The following HIVEP2 variants were observed in gnomAD, a reference collection of about 807,000 sequenced individuals.
HIVEP2 encodes HIVEP zinc finger 2.
In HIVEP2, 14 loss-of-function variants were observed where a neutral mutation model predicts 180.7. The observed-to-expected ratio is 0.08, with a 90% CI of 0.05 to 0.12. The LOEUF is 0.12. Ranked by LOEUF, HIVEP2 falls within the 10% of genes least tolerant of loss-of-function variation. The pLI, the probability that HIVEP2 is intolerant of heterozygous loss-of-function variation, is 1.00. For synonymous variants in HIVEP2, 1,184 were observed against 1,136.4 expected, an observed-to-expected ratio of 1.04 and a Z score of -0.84; for missense variants, 2,579 against 3,008.5, an observed-to-expected ratio of 0.86 and a Z score of 3.34.
At chr6:142,901,633 G>T (rs13190880) in intron 1 of HIVEP2, among the ~76,000 whole-genome samples, 9,463 of 152,266 alleles carry the variant, frequency 0.062, 385 homozygotes, top group Middle Eastern at 0.11. Flanking sequence ...CAAATGCAAA[G>T]GAGTTAAATA....
chr6:142,755,218 T>C (rs939955475), intron 9 of HIVEP2, among the ~76,000 whole-genome samples: 2 of 152,232 alleles, frequency 1.3e-5, no homozygotes, highest in African/African-American at 4.8e-5. Context: ...GCTGGAAACA[T>C]GGATTCTCCT....
chr6:142,917,962 C>T (rs184211454), intron 1 of HIVEP2, among the ~76,000 whole-genome samples: 49 of 152,144 alleles, frequency 3.2e-4, no homozygotes, highest in Admixed American at 2.0e-3. Flanking sequence ...TTTTAGTAGA[C>T]AGGTTTTGCC....
chr6:142,766,108 A>C (rs1775374502), intron 6 of HIVEP2, among the ~76,000 whole-genome samples: 1 of 152,188 alleles, frequency 6.6e-6, no homozygotes, highest in African/African-American at 2.4e-5. Flanking sequence ...CTAATCCACA[A>C]ACAGGAATAA....
intron 1 of HIVEP2, among the ~76,000 whole-genome samples, chr6:142,852,154 A>T (rs967893667): frequency 6.6e-6 from 1 of 152,218 alleles, no homozygotes; most frequent in Admixed American, 6.5e-5. Flanking sequence ...ATCTTTAAAA[A>T]GTATAGTCTA....
chr6:142,873,168 C>T (rs767578945), intron 1 of HIVEP2, among the ~76,000 whole-genome samples: 3 of 152,222 alleles, frequency 2.0e-5, no homozygotes, highest in African/African-American at 4.8e-5. Context: ...GCCTTCAACA[C>T]TCAGCAGTAT....
At chr6:142,847,481 G>A (rs942775093) in intron 1 of HIVEP2, among the ~76,000 whole-genome samples, 5 of 151,792 alleles carry the variant, frequency 3.3e-5, no homozygotes, top group African/African-American at 9.7e-5. Context: ...GATTTAAAAT[G>A]GTCACTGCTG....
intron 1 of HIVEP2, among the ~76,000 whole-genome samples, chr6:142,890,381 G>A (rs1473318927): frequency 3.3e-5 from 5 of 152,074 alleles, no homozygotes; most frequent in Admixed American, 6.6e-5. Context: ...TCACATATTC[G>A]TGCACTTGCT....
intron 2 of HIVEP2, among the ~76,000 whole-genome samples, chr6:142,789,380 C>T (rs900626200): frequency 6.6e-6 from 1 of 152,194 alleles, no homozygotes; most frequent in African/African-American, 2.4e-5. Context: ...AGAGCTATAA[C>T]CTAGGTTTGT....
chr6:142,815,013 C>T (rs974002366), intron 2 of HIVEP2, among the ~76,000 whole-genome samples: 2 of 152,026 alleles, frequency 1.3e-5, no homozygotes, highest in Admixed American at 6.5e-5. Flanking sequence ...TGCAACAGCC[C>T]ATGGTGGAAG....
rs747358218 is a variant in HIVEP2 at position 142,764,779 on chromosome 6, C to CA, written c.5518+19dup. Reference sequence around the variant, plus strand: ...AGCCATAGAGAAGTATTTTTCCTCTCAAAAAAATCAGACTTGTACCTTTCG... The same window carrying CA: ...AGCCATAGAGAAGTATTTTTCCTCTCAAAAAAAATCAGACTTGTACCTTTCG... On this transcript the variant is annotated intron_variant, in intron 7 of 9. Transcript: ENST00000367603. The CA allele has an allele frequency of 1.6e-5, 25 of 1,597,904 alleles. No homozygotes were observed. Among genetic ancestry groups the CA allele is most frequent in the Admixed American group, 3.4e-5 (2 of 57,990 alleles).
intron 1 of HIVEP2, among the ~76,000 whole-genome samples, chr6:142,844,060 C>G (rs1386088210): frequency 1.3e-5 from 2 of 152,154 alleles, no homozygotes; most frequent in Non-Finnish European, 2.9e-5. Context: ...ACCCTCAACT[C>G]CAGCAATATT....
At chr6:142,799,487 C>A (rs1355476427) in intron 2 of HIVEP2, among the ~76,000 whole-genome samples, 1 of 152,098 alleles carries the variant, frequency 6.6e-6, no homozygotes, top group East Asian at 1.9e-4. Flanking sequence ...GACAGAGCAT[C>A]AGGCATTATC....
At chr6:142,843,235 C>A (rs1039332790) in intron 1 of HIVEP2, among the ~76,000 whole-genome samples, 2 of 152,136 alleles carry the variant, frequency 1.3e-5, no homozygotes, top group Non-Finnish European at 2.9e-5. Context: ...AGACTGTAGT[C>A]TGTAACAATA....
At chr6:142,855,246 C>A (rs1186167214) in intron 1 of HIVEP2, among the ~76,000 whole-genome samples, 1 of 152,164 alleles carries the variant, frequency 6.6e-6, no homozygotes, top group African/African-American at 2.4e-5. Flanking sequence ...CAAAAGCTGA[C>A]CCCAAGCTTG....
At chr6:142,941,229 A>G (rs1040301199) in intron 1 of HIVEP2, among the ~76,000 whole-genome samples, 4 of 152,202 alleles carry the variant, frequency 2.6e-5, no homozygotes, top group African/African-American at 9.7e-5. Context: ...AGAGAAGCCA[A>G]AGATTGCACA....
chr6:142,902,973 G>A (rs9390029), intron 1 of HIVEP2, among the ~76,000 whole-genome samples: 10,780 of 152,256 alleles, frequency 0.071, 491 homozygotes, highest in East Asian at 0.17. Flanking sequence ...ATATCTCAAC[G>A]CTGAACTACT....
chr6:142,806,940 A>G (rs778009869), intron 2 of HIVEP2, among the ~76,000 whole-genome samples: 5 of 152,196 alleles, frequency 3.3e-5, no homozygotes, highest in Non-Finnish European at 5.9e-5. Flanking sequence ...ATCTCATTGC[A>G]ATACCCAGCT....
chr6:142,762,981 C>T (rs946038752), intron 7 of HIVEP2, among the ~76,000 whole-genome samples: 1 of 152,122 alleles, frequency 6.6e-6, no homozygotes, highest in Non-Finnish European at 1.5e-5. Flanking sequence ...AATGTATCTA[C>T]AAATTAATAA....
At position 142,751,986 on chromosome 6, in the gene HIVEP2, A is replaced by ACTGGTTCTCCT. The variant is rs1774933895; in HGVS notation, c.*1120_*1121insAGGAGAACCAG. On this transcript the variant is annotated 3_prime_UTR_variant, in exon 10 of 10. Coordinates refer to ENST00000367603, the MANE Select transcript of HIVEP2 (RefSeq NM_006734.4). Reference sequence around the variant, plus strand: ...CTTAGTTCCAGTCACCATCCTGTGTAGCAAGAACTAAGGAGATTGCTAAGC... The same window carrying ACTGGTTCTCCT: ...CTTAGTTCCAGTCACCATCCTGTGTACTGGTTCTCCTGCAAGAACTAAGGAGATTGCTAAGC... 1 of 152,650 alleles carries ACTGGTTCTCCT rather than the reference A, an allele frequency of 6.6e-6. No homozygotes were observed. Among genetic ancestry groups the ACTGGTTCTCCT allele is most frequent in the African/African-American group, 2.4e-5 (1 of 41,448 alleles). The allele number at this position is 152,650 out of a possible 1,614,324, so 9.5% of individuals were successfully genotyped here.
Sources: allele counts gnomAD v4.1 joint callset (sites outside exome capture counted in the v4.1 genomes callset), GRCh38; gene constraint gnomAD v4.1.1; transcripts MANE v1.5; gene names NCBI Gene and HGNC (gene_info 2026-07-23, HGNC 2026-07-21).